Variants in ZC3H3 observed in about 807,000 individuals in gnomAD.
ZC3H3 encodes the protein zinc finger CCCH domain-containing protein 3.
Under a neutral mutation model 77.3 loss-of-function variants are expected in ZC3H3, and 36 were observed. That is an observed-to-expected ratio of 0.47 (90% CI 0.36 to 0.61). The LOEUF (loss-of-function observed/expected upper bound fraction) is 0.61, where lower values mean the gene tolerates loss of function less well. Among genes scored for constraint, ZC3H3 ranks in the 20% least tolerant of loss-of-function variants. The pLI, the probability that ZC3H3 is intolerant of heterozygous loss-of-function variation, is 0.00. For synonymous variants in ZC3H3, 626 were observed against 555.2 expected (o/e 1.13, Z -1.79); for missense variants, 1,331 against 1,312.2 (o/e 1.01, Z -0.22).
In ZC3H3 at chr8:143,437,859, T is replaced by G; in HGVS notation, c.*197A>C. On this transcript the variant is annotated 3_prime_UTR_variant, in exon 12 of 12. Transcript: ENST00000262577. ...GGTGGGGTGGGGACAGGGGCCTGGCTTGGGGGAGGAAGACCAGGCCCTGCG... is the reference window on the plus strand; with the variant it reads ...GGTGGGGTGGGGACAGGGGCCTGGCGTGGGGGAGGAAGACCAGGCCCTGCG... 1 of 712,880 alleles carries G rather than the reference T, an allele frequency of 1.4e-6. No individual in the cohort carries two copies. The highest frequency in any genetic ancestry group is 2.3e-6 in the Non-Finnish European group (1 of 431,416). 44.2% of individuals were successfully genotyped at this position (712,880 alleles called of 1,614,324 possible).
chr8:143,463,493 G>A (rs892909714), intron 9 of ZC3H3, among the ~76,000 whole-genome samples: 3 of 152,190 alleles, frequency 2.0e-5, no homozygotes, highest in East Asian at 1.9e-4. Flanking sequence ...ACAGGCGAGC[G>A]GTGAGCACGG....
chr8:143,479,966 G>A (rs993547566), intron 4 of ZC3H3, among the ~76,000 whole-genome samples: 10 of 152,214 alleles, frequency 6.6e-5, no homozygotes, highest in Admixed American at 2.6e-4. Flanking sequence ...CCGGGCTGGC[G>A]AGGGGCACCA....
chr8:143,516,315 T>TG (rs1238184106), intron 3 of ZC3H3, among the ~76,000 whole-genome samples: 1 of 152,180 alleles, frequency 6.6e-6, no homozygotes, highest in African/African-American at 2.4e-5. Context: ...AAGGAGCCCC[T>TG]GTATGTGGTG....
At chr8:143,540,973 A>G (rs1026433590) in intron 1 of ZC3H3, among the ~76,000 whole-genome samples, 2 of 152,176 alleles carry the variant, frequency 1.3e-5, no homozygotes, top group African/African-American at 4.8e-5. Flanking sequence ...ACCGGGCGTC[A>G]AGGAAGGAAC....
At chr8:143,473,403 C>T (rs1246324392) in intron 5 of ZC3H3, among the ~76,000 whole-genome samples, 3 of 152,180 alleles carry the variant, frequency 2.0e-5, no homozygotes, top group East Asian at 1.9e-4. Context: ...ACCTGTGGGC[C>T]CCAGGAATCT....
At chr8:143,534,950 C>A (rs1822745530) in intron 3 of ZC3H3, among the ~76,000 whole-genome samples, 1 of 152,128 alleles carries the variant, frequency 6.6e-6, no homozygotes, top group Admixed American at 6.5e-5. Flanking sequence ...AACGCCCTGC[C>A]CTCCCGCGGC....
At chr8:143,479,467 G>T (rs905287206) in intron 4 of ZC3H3, among the ~76,000 whole-genome samples, 1 of 152,220 alleles carries the variant, frequency 6.6e-6, no homozygotes, top group South Asian at 2.1e-4. Flanking sequence ...GGGAGCTGCA[G>T]ATCTAAAGGC....
intron 9 of ZC3H3, among the ~76,000 whole-genome samples, chr8:143,464,282 C>T (rs1350338234): frequency 1.3e-5 from 2 of 152,266 alleles, no homozygotes; most frequent in South Asian, 2.1e-4. Flanking sequence ...TCATTTAAAT[C>T]GAAACATTTT....
intron 3 of ZC3H3, among the ~76,000 whole-genome samples, chr8:143,522,606 T>TA (rs35429086): frequency 0.025 from 3,546 of 141,022 alleles, 49 homozygotes; most frequent in African/African-American, 0.037. Flanking sequence ...CTCTCTGTCT[T>TA]AAAAAAAAAC....
intron 4 of ZC3H3, among the ~76,000 whole-genome samples, chr8:143,492,135 G>C (rs1308537305): frequency 6.6e-6 from 1 of 152,324 alleles, no homozygotes; most frequent in South Asian, 2.1e-4. Context: ...CGTTGCATGG[G>C]ACCAAAGGGT....
intron 9 of ZC3H3, among the ~76,000 whole-genome samples, chr8:143,461,975 CTT>C (rs76981079): frequency 7.1e-5 from 10 of 140,626 alleles, no homozygotes; most frequent in Admixed American, 1.4e-4. Context: ...AGTTAAGCTG[CTT>C]TTTTTTTTTT....
chr8:143,486,857 C>A (rs1258505440), intron 4 of ZC3H3, among the ~76,000 whole-genome samples: 2 of 98,308 alleles, frequency 2.0e-5, no homozygotes, highest in Non-Finnish European at 2.0e-5. Flanking sequence ...GCCCCACCAC[C>A]ACGAAGCTCA....
chr8:143,538,142 G>A lies in ZC3H3; in HGVS notation c.1225C>T (p.Pro409Ser). ...SSKDHASQLS[P>S]VLSRSPSGDR... is the part of the protein sequence containing the mutation. ...CCCGACGGGGACCTAGACAGGACTGGGGAGAGCTGGGAGGCATGGTCCTTG... is the reference window on the plus strand; with the variant it reads ...CCCGACGGGGACCTAGACAGGACTGAGGAGAGCTGGGAGGCATGGTCCTTG... The change falls in exon 2 of 12, where the codon CCA becomes TCA. Residue 409 changes from proline to serine, a missense_variant. Pro to Ser is a moderately conservative substitution (Grantham distance 74). Coordinates refer to ENST00000262577, the MANE Select transcript of ZC3H3 (RefSeq NM_015117.3). The A allele has an allele frequency of 6.2e-7, 1 of 1,613,108 alleles. No individual in the cohort carries two copies. The highest frequency in any genetic ancestry group is 8.5e-7 in the Non-Finnish European group (1 of 1,180,024).
intron 4 of ZC3H3, among the ~76,000 whole-genome samples, chr8:143,486,231 C>T (rs866994121): frequency 6.6e-6 from 1 of 152,272 alleles, no homozygotes; most frequent in Non-Finnish European, 1.5e-5. Flanking sequence ...TCCCGCCAGG[C>T]GCGGCAATGT....
intron 4 of ZC3H3, chr8:143,484,869 C>G (rs770125642): frequency 1.5e-5 from 7 of 455,626 alleles, no homozygotes; most frequent in South Asian, 9.3e-5. Context: ...GAAGACCACA[C>G]AGCAAATCCG....
In ZC3H3 at chr8:143,533,146, C is replaced by T. The variant is rs1263639888; in HGVS notation, c.1561+3111G>A. 6.6e-6 allele frequency among the ~76,000 whole-genome samples: 1 copy of T among 152,304 alleles called. No homozygotes were observed. Among genetic ancestry groups the T allele is most frequent in the South Asian group, 2.1e-4 (1 of 4,826 alleles). ...CCCAACGTAACCAGAACCAACCCCCCGTTCCCTCCTGTGGCCTACAAGACC... is the reference window on the plus strand; with the variant it reads ...CCCAACGTAACCAGAACCAACCCCCTGTTCCCTCCTGTGGCCTACAAGACC... On this transcript the variant is annotated intron_variant, in intron 3 of 11. Coordinates refer to ENST00000262577, the MANE Select transcript of ZC3H3 (RefSeq NM_015117.3). This position sits in a 1 kb window ranked among gnomAD's most constrained non-coding sequence, Gnocchi z 4.0.
rs777007628 is a variant in ZC3H3 at position 143,487,681 on chromosome 8, T to C, written c.1716-12096A>G. The stretch of plus-strand genomic sequence containing the variant: ...GAACAGCACCCGCTACACGACCCCA[T>C]CACCACGAAGCTCACACACAGAACA... On this transcript the variant is annotated intron_variant, in intron 4 of 11. Coordinates refer to ENST00000262577, the MANE Select transcript of ZC3H3 (RefSeq NM_015117.3). 2.9e-3 allele frequency among the ~76,000 whole-genome samples: 81 copies of C among 27,684 alleles called. 1 individual carries two copies. The highest frequency in any genetic ancestry group is 4.3e-3 in the Admixed American group (12 of 2,808). The allele number at this position is 27,684 out of a possible 152,430, so 18.2% of individuals were successfully genotyped here.
In ZC3H3 at chr8:143,498,475, G is replaced by A. The variant is rs60101004; in HGVS notation, c.1715+9271C>T. 3.9e-3 allele frequency among the ~76,000 whole-genome samples: 597 copies of A among 152,266 alleles called. 4 individuals are homozygous for A. Among genetic ancestry groups the A allele is most frequent in the African/African-American group, 0.013 (551 of 41,538 alleles). On this transcript the variant is annotated intron_variant, in intron 4 of 11. Transcript: ENST00000262577. Reference sequence around the variant, plus strand: ...CCTGGCCAGCCTGCTGTCCTGCCACGGAGGCGAGGAAGGGCCGTGGAGGCT... The same window carrying A: ...CCTGGCCAGCCTGCTGTCCTGCCACAGAGGCGAGGAAGGGCCGTGGAGGCT...
At chr8:143,503,136 C>T (rs1267378135) in intron 4 of ZC3H3, among the ~76,000 whole-genome samples, 1 of 152,224 alleles carries the variant, frequency 6.6e-6, no homozygotes, top group African/African-American at 2.4e-5. Flanking sequence ...CCAGCATGCC[C>T]CCGTCAGCTG....
Sources: allele counts gnomAD v4.1 joint callset (sites outside exome capture counted in the v4.1 genomes callset), GRCh38; gene constraint gnomAD v4.1.1; non-coding constraint Gnocchi (gnomAD v3.1); transcripts MANE v1.5; gene names NCBI Gene and HGNC (gene_info 2026-07-23, HGNC 2026-07-21).